Variants in SUPV3L1 observed in about 807,000 individuals in gnomAD.
SUPV3L1 encodes Suv3 like RNA helicase.
In SUPV3L1, 35 loss-of-function variants were observed where a neutral mutation model predicts 70.0. The ratio of observed to expected loss-of-function variants is 0.50; its 90% CI spans 0.38 to 0.66. The LOEUF (loss-of-function observed/expected upper bound fraction) is 0.66, where lower values mean the gene tolerates loss of function less well. Ranked by LOEUF, SUPV3L1 falls within the 30% of genes least tolerant of loss-of-function variation. The probability of loss-of-function intolerance (pLI) is 0.00; values close to 1 mark genes in which losing one functional copy is unlikely to be tolerated. For missense variants in SUPV3L1, 777 were observed against 961.5 expected (o/e 0.81, Z 2.54); for synonymous variants, 364 against 341.9 (o/e 1.06, Z -0.71).
intron 1 of SUPV3L1, among the ~76,000 whole-genome samples, chr10:69,183,404 C>T (rs557210894): frequency 8.5e-5 from 13 of 152,192 alleles, no homozygotes; most frequent in African/African-American, 2.6e-4. Context: ...CTAGGCTGGG[C>T]GCAGTGTCTC....
At chr10:69,192,477 GTAT>G (rs1357379885) in intron 6 of SUPV3L1, 15 of 152,056 alleles carry the variant, frequency 9.9e-5, no homozygotes, top group African/African-American at 3.6e-4. Context: ...TGTGATTATT[GTAT>G]TATTATTGTT....
intron 1 of SUPV3L1, among the ~76,000 whole-genome samples, 198 bp from the exon 2 acceptor site, chr10:69,185,789 C>T (rs763979897): frequency 3.3e-5 from 5 of 152,040 alleles, no homozygotes; most frequent in African/African-American, 7.2e-5. Context: ...CGTGAGCCAC[C>T]GTGCCCGGCC....
At chr10:69,206,493 A>G (rs1477128070) in intron 13 of SUPV3L1, among the ~76,000 whole-genome samples, 1 of 152,150 alleles carries the variant, frequency 6.6e-6, no homozygotes, top group Non-Finnish European at 1.5e-5. Context: ...AGTACAGGTG[A>G]TGTATAATAT....
intron 10 of SUPV3L1, among the ~76,000 whole-genome samples, chr10:69,199,847 G>A (rs543691457): frequency 6.6e-6 from 1 of 151,092 alleles, no homozygotes; most frequent in Non-Finnish European, 1.5e-5. Flanking sequence ...ATTTATTTAT[G>A]TATTTATTTA....
intron 1 of SUPV3L1, among the ~76,000 whole-genome samples, chr10:69,184,614 A>AAT (rs1218012938): frequency 2.3e-5 from 1 of 43,910 alleles, no homozygotes; most frequent in Non-Finnish European, 5.0e-5. Context: ...CTGAAATATA[A>AAT]ATACACACAC....
chr10:69,184,893 C>T (rs1463894770), intron 1 of SUPV3L1, among the ~76,000 whole-genome samples: 3 of 152,274 alleles, frequency 2.0e-5, no homozygotes, highest in African/African-American at 2.4e-5. Flanking sequence ...GTGGCTTCTC[C>T]TCCTAGAAAT....
chr10:69,183,912 C>T (rs1470845318), intron 1 of SUPV3L1, among the ~76,000 whole-genome samples: 1 of 148,898 alleles, frequency 6.7e-6, no homozygotes, highest in Non-Finnish European at 1.5e-5. Context: ...CAGATAACCA[C>T]TAATCCACAT....
chr10:69,202,350 T>C lies in SUPV3L1; in HGVS notation c.1519-89T>C, dbSNP rs1459050433. ...TCATATGGTGAGAGCTTAGCCTGAA[T>C]GGGACTTTATCGTGCAATAACTTAA... On this transcript the variant is annotated intron_variant, in intron 11 of 14. Transcript: ENST00000359655. 10 of 1,078,388 alleles carry C rather than the reference T, an allele frequency of 9.3e-6. No homozygotes were observed. The East Asian group carries it at 2.5e-4, about 27-fold the overall frequency. The allele number at this position is 1,078,388 out of a possible 1,614,324, so 66.8% of individuals were successfully genotyped here.
intron 13 of SUPV3L1, among the ~76,000 whole-genome samples, chr10:69,204,540 A>G (rs1842771677): frequency 6.6e-6 from 1 of 152,022 alleles, no homozygotes; most frequent in Non-Finnish European, 1.5e-5. Flanking sequence ...ACATAGCAAG[A>G]CTCTGCCCTT....
chr10:69,192,828 C>T (rs932716259), intron 6 of SUPV3L1: 1 of 152,200 alleles, frequency 6.6e-6, no homozygotes, highest in African/African-American at 2.4e-5. Flanking sequence ...GCCTTAGCCT[C>T]CTGAGTAGCT....
In SUPV3L1 at chr10:69,180,319, GCTCGGCTCCCGGCGGGGCGC is replaced by G; in HGVS notation, c.30_49del (p.Arg11GlyfsTer75). ...GTCCTTCTCCCGTGCCCTATTGTGGGCTCGGCTCCCGGCGGGGCGCCAGGCTGGCCACCGGGCAGCCATCT... is the reference window on the plus strand; with the variant it reads ...GTCCTTCTCCCGTGCCCTATTGTGGGCAGGCTGGCCACCGGGCAGCCATCT... On this transcript the variant is annotated frameshift_variant, in exon 1 of 15. Transcript: ENST00000359655. LOFTEE classifies it high-confidence loss of function. 6.2e-7 allele frequency: 1 copy of G among 1,613,872 alleles called. No homozygotes were observed. Among genetic ancestry groups the G allele is most frequent in the Non-Finnish European group, 8.5e-7 (1 of 1,179,968 alleles).
At chr10:69,191,624 A>C in intron 5 of SUPV3L1, 31 bp from the exon 6 acceptor site, 1 of 1,580,802 alleles carries the variant, frequency 6.3e-7, no homozygotes. Context: ...CATTATTTTC[A>C]ATAATTCTAG....
In SUPV3L1 at chr10:69,202,962, A is replaced by C; in HGVS notation, c.1695A>C (p.Pro565=). ...CTGCAGAGTTGATCCAGCATATTCC[A>C]CTAAGTCTGCGAGTGAGGTATGTTT... ...KFSAELIQHI[P]LSLRVRYVFC... is the part of the protein sequence containing the mutation. Residue 565 remains proline (P), a synonymous_variant, in exon 13 of 15, where the codon CCA becomes CCC. Coordinates refer to ENST00000359655, the MANE Select transcript of SUPV3L1 (RefSeq NM_003171.5). 1.9e-6 allele frequency: 3 copies of C among 1,614,124 alleles called. No homozygotes were observed. The highest frequency in any genetic ancestry group is 2.5e-6 in the Non-Finnish European group (3 of 1,180,008).
chr10:69,198,318 T>C, intron 8 of SUPV3L1, 54 bp from the exon 9 acceptor site: 1 of 1,510,672 alleles, frequency 6.6e-7, no homozygotes, highest in Non-Finnish European at 8.9e-7. Flanking sequence ...TAATTACTAG[T>C]CACAAGAAGT....
At chr10:69,187,049 G>A (rs528316989) in intron 3 of SUPV3L1, among the ~76,000 whole-genome samples, 8 of 152,310 alleles carry the variant, frequency 5.3e-5, no homozygotes, top group African/African-American at 1.9e-4. Context: ...CTAAGATGTG[G>A]AGAATTCTTG....
At chr10:69,186,993 G>A (rs1842248474) in intron 3 of SUPV3L1, among the ~76,000 whole-genome samples, 1 of 152,170 alleles carries the variant, frequency 6.6e-6, no homozygotes, top group African/African-American at 2.4e-5. Flanking sequence ...CCAGCACTGA[G>A]GATACAACGC....
chr10:69,191,773 A>T lies in SUPV3L1; in HGVS notation c.853+7A>T, dbSNP rs746479065. The stretch of plus-strand genomic sequence containing the variant: ...TGCAGTGTTACAACTCCTTGTATGT[A>T]TATGCTGTTTAAGAAACTATGGTTT... On this transcript the variant is annotated splice_region_variant and intron_variant, in intron 6 of 14. Coordinates refer to ENST00000359655, the MANE Select transcript of SUPV3L1 (RefSeq NM_003171.5). The T allele has an allele frequency of 6.3e-7, 1 of 1,591,532 alleles. No homozygotes were observed. The highest frequency in any genetic ancestry group is 1.7e-5 in the Admixed American group (1 of 59,204).
intron 5 of SUPV3L1, among the ~76,000 whole-genome samples, chr10:69,189,709 C>T (rs933775666): frequency 7.2e-6 from 1 of 138,482 alleles, no homozygotes; most frequent in Non-Finnish European, 1.5e-5. Flanking sequence ...TGCAGTGGTG[C>T]GATCTTGGCT....
rs1658417646 is a variant in SUPV3L1 at position 69,180,548 on chromosome 10, G to A, written c.257G>A (p.Arg86Gln). 1 of 1,613,906 alleles carries A rather than the reference G, an allele frequency of 6.2e-7. No individual in the cohort carries two copies. Among genetic ancestry groups the A allele is most frequent in the South Asian group, 1.1e-5 (1 of 91,076 alleles). ...GGCGACGTCGGGGCCGAGCTAACCC[G>A]GCCTCTGGACAAGAGTGAGTGCGGG... is the stretch of plus-strand genomic sequence containing the variant. ...ADGDVGAELT[R>Q]PLDKNEVKKV... Residue 86 changes from arginine (R) to glutamine (Q), a missense_variant, in exon 1 of 15, where the codon CGG (arginine) becomes CAG (glutamine). Arg to Gln is a conservative substitution (Grantham distance 43). Around this residue, in one of 2 missense-constraint regions of SUPV3L1, gnomAD observed 158 missense variants for 138.3 expected, o/e 1.14. Transcript: ENST00000359655.
Sources: gnomAD v4.1 joint callset for allele counts (sites outside exome capture counted in the v4.1 genomes callset) on GRCh38, gnomAD v4.1.1 for gene constraint, gnomAD v4.1.1 regional missense constraint, MANE v1.5 for transcripts, NCBI Gene and HGNC (gene_info 2026-07-23, HGNC 2026-07-21) for gene names.